The following L3MBTL4 variants were observed in gnomAD, a reference collection of about 807,000 sequenced individuals.
The protein encoded by L3MBTL4 is lethal(3)malignant brain tumor-like protein 4.
L3MBTL4 carries 70 observed loss-of-function variants against 84.5 expected under a neutral mutation model. The observed-to-expected ratio is 0.83, with a 90% CI of 0.68 to 1.01. The LOEUF (loss-of-function observed/expected upper bound fraction) is 1.01, where lower values mean the gene tolerates loss of function less well. Among genes scored for constraint, L3MBTL4 ranks in the 50% least tolerant of loss-of-function variants. The pLI, the probability that L3MBTL4 is intolerant of heterozygous loss-of-function variation, is 0.00. For missense variants in L3MBTL4, 715 were observed against 754.8 expected, an observed-to-expected ratio of 0.95 and a Z score of 0.62; for synonymous variants, 274 against 259.8, an observed-to-expected ratio of 1.05 and a Z score of -0.52.
intron 10 of L3MBTL4, among the ~76,000 whole-genome samples, chr18:6,225,948 C>T (rs946169434): frequency 1.3e-5 from 2 of 152,038 alleles, no homozygotes; most frequent in Non-Finnish European, 2.9e-5. Flanking sequence ...TGACATAATG[C>T]ATTTCCACCA....
chr18:6,149,029 TAA>T (rs968582558), intron 13 of L3MBTL4, among the ~76,000 whole-genome samples: 3 of 152,024 alleles, frequency 2.0e-5, no homozygotes, highest in African/African-American at 7.2e-5. Flanking sequence ...TATAAAGAAA[TAA>T]GAGGAGTTTT....
At chr18:6,393,069 G>T (rs1301967433) in intron 1 of L3MBTL4, among the ~76,000 whole-genome samples, 1 of 120,396 alleles carries the variant, frequency 8.3e-6, no homozygotes, top group Non-Finnish European at 1.8e-5. Context: ...ACCCAAAAGT[G>T]ATTGAAATAA....
chr18:6,008,727 A>C (rs529300262), intron 16 of L3MBTL4, among the ~76,000 whole-genome samples: 2 of 152,306 alleles, frequency 1.3e-5, no homozygotes, highest in Non-Finnish European at 2.9e-5. Flanking sequence ...TTCAGTCCAG[A>C]GTATCACGGG....
At chr18:6,127,807 A>T (rs1357235630) in intron 14 of L3MBTL4, among the ~76,000 whole-genome samples, 1 of 152,108 alleles carries the variant, frequency 6.6e-6, no homozygotes, top group African/African-American at 2.4e-5. Flanking sequence ...ATGGTGGTGG[A>T]GGGGAGGCTC....
intron 12 of L3MBTL4, among the ~76,000 whole-genome samples, chr18:6,184,961 A>G (rs2145410902): frequency 6.6e-6 from 1 of 152,384 alleles, no homozygotes; most frequent in East Asian, 1.9e-4. Context: ...TTGTGCCAGT[A>G]TAACTTGGGC....
chr18:6,188,474 A>C (rs1386567828), intron 12 of L3MBTL4, among the ~76,000 whole-genome samples: 1 of 152,134 alleles, frequency 6.6e-6, no homozygotes, highest in East Asian at 1.9e-4. Flanking sequence ...ATAAAACCAT[A>C]ATTTCTGAAC....
chr18:6,167,007 C>G (rs1017368829), intron 13 of L3MBTL4, among the ~76,000 whole-genome samples: 5 of 152,188 alleles, frequency 3.3e-5, no homozygotes, highest in African/African-American at 1.2e-4. Context: ...CACCACCGAT[C>G]CCACAGAAAT....
chr18:6,414,949 G>T (rs1404451071), upstream of L3MBTL4: 5 of 149,980 alleles, frequency 3.3e-5, no homozygotes, highest in African/African-American at 9.7e-5. The surrounding 1 kb of genome is among the most constrained non-coding windows in gnomAD (Gnocchi z 5.4). Context: ...CGGGGTGGGG[G>T]CGCGGGAGCC....
At chr18:6,384,942 C>G (rs56292458) in intron 1 of L3MBTL4, among the ~76,000 whole-genome samples, 3,699 of 152,262 alleles carry the variant, frequency 0.024, 73 homozygotes, top group Middle Eastern at 0.11. Flanking sequence ...AGGTAGAGTT[C>G]TGCCAGCCTT....
At chr18:6,018,370 C>T (rs2055096779) in intron 16 of L3MBTL4, among the ~76,000 whole-genome samples, 1 of 152,162 alleles carries the variant, frequency 6.6e-6, no homozygotes, top group Admixed American at 6.5e-5. Context: ...GCAAAGGCTG[C>T]ACGGGTGATT....
At chr18:6,169,291 A>T (rs563262085) in intron 13 of L3MBTL4, among the ~76,000 whole-genome samples, 1 of 152,222 alleles carries the variant, frequency 6.6e-6, no homozygotes, top group East Asian at 1.9e-4. Flanking sequence ...GGGATCTGGA[A>T]CTAGAAATAC....
At chr18:6,232,035 C>G (rs748824692) in intron 10 of L3MBTL4, among the ~76,000 whole-genome samples, 6 of 151,994 alleles carry the variant, frequency 3.9e-5, no homozygotes, top group Non-Finnish European at 8.8e-5. Context: ...TCATATATAT[C>G]CTTTATTATG....
chr18:6,239,567 A>T (rs901364821), intron 9 of L3MBTL4, 151 bp downstream of exon 9: 1 of 691,160 alleles, frequency 1.4e-6, no homozygotes, highest in African/African-American at 1.8e-5. Flanking sequence ...AGTAATTCAC[A>T]TGGAAGAGAA....
intron 1 of L3MBTL4, among the ~76,000 whole-genome samples, chr18:6,390,181 T>C (rs899914923): frequency 6.6e-5 from 10 of 151,822 alleles, no homozygotes; most frequent in African/African-American, 1.9e-4. Context: ...TATATACATA[T>C]ACACACACAC....
chr18:6,316,572 G>GCC (rs1304698108), intron 1 of L3MBTL4, among the ~76,000 whole-genome samples: 1 of 152,224 alleles, frequency 6.6e-6, no homozygotes, highest in African/African-American at 2.4e-5. Flanking sequence ...TCTATAGACA[G>GCC]CCTTTCTGGA....
chr18:6,015,875 G>A (rs927106360), intron 16 of L3MBTL4, among the ~76,000 whole-genome samples: 4 of 152,182 alleles, frequency 2.6e-5, no homozygotes, highest in Admixed American at 6.5e-5. Context: ...CAGGAGAATC[G>A]CTTGAATCCG....
At chr18:6,034,709 T>C (rs1189743253) in intron 16 of L3MBTL4, among the ~76,000 whole-genome samples, 7 of 152,244 alleles carry the variant, frequency 4.6e-5, no homozygotes, top group Non-Finnish European at 1.0e-4. Context: ...CTTAGATCCC[T>C]GAGGACTCGC....
intron 4 of L3MBTL4, among the ~76,000 whole-genome samples, chr18:6,264,788 G>GA (rs951656543): frequency 1.7e-4 from 25 of 151,482 alleles, no homozygotes; most frequent in South Asian, 4.2e-4. Flanking sequence ...TCATCTTGGG[G>GA]AAAAAAAAAT....
At position 6,138,402 on chromosome 18, in the gene L3MBTL4, A is replaced by C. The variant is rs772492377; in HGVS notation, c.1097-106T>G. On this transcript the variant is annotated intron_variant, in intron 13 of 18. Coordinates refer to ENST00000317931, the MANE Select transcript of L3MBTL4 (RefSeq NM_001330559.2). ...TTAAGACTTTACAAATTAAAAACAA[A>C]CCATCACCAAAAACCACTTACAGGT... The C allele has an allele frequency of 3.2e-5, 22 of 683,718 alleles. No individual in the cohort carries two copies. The South Asian group carries it at 4.8e-4, about 15-fold the overall frequency. The allele number at this position is 683,718 out of a possible 1,614,324, so 42.4% of individuals were successfully genotyped here.
Sources: gnomAD v4.1 joint callset for allele counts (sites outside exome capture counted in the v4.1 genomes callset) on GRCh38, gnomAD v4.1.1 for gene constraint, Gnocchi (gnomAD v3.1) non-coding constraint, MANE v1.5 for transcripts, NCBI Gene and HGNC (gene_info 2026-07-23, HGNC 2026-07-21) for gene names.